The following MEGF10 variants were observed in gnomAD, a reference collection of about 807,000 sequenced individuals.
MEGF10 encodes multiple epidermal growth factor-like domains protein 10.
Under a neutral mutation model 147.5 loss-of-function variants are expected in MEGF10, and 86 were observed. That is an observed-to-expected ratio of 0.58 (90% confidence interval 0.49 to 0.70). The LOEUF is 0.70. Among genes scored for constraint, MEGF10 ranks in the 30% least tolerant of loss-of-function variants. MEGF10 has a pLI of 0.00. For missense variants in MEGF10, 1,329 were observed against 1,487.3 expected (o/e 0.89, Z 1.75); for synonymous variants, 478 against 525.5 (o/e 0.91, Z 1.24).
intron 1 of MEGF10, among the ~76,000 whole-genome samples, chr5:127,319,537 T>C (rs993983330): frequency 1.3e-5 from 2 of 152,198 alleles, no homozygotes; most frequent in Non-Finnish European, 2.9e-5. Flanking sequence ...GAAGGCATCA[T>C]TGCACTGAGG....
the MEGF10 span, among the ~76,000 whole-genome samples, chr5:127,284,878 A>G: frequency 6.6e-6 from 1 of 152,296 alleles, no homozygotes; most frequent in African/African-American, 2.4e-5. Context: ...ATAAGAAGCC[A>G]ATCTTGTTTG....
At chr5:127,454,457 C>G in intron 22 of MEGF10, 109 bp from the exon 23 acceptor site, 1 of 870,366 alleles carries the variant, frequency 1.1e-6, no homozygotes, top group African/African-American at 1.7e-5. Flanking sequence ...GAGCAGCAGC[C>G]TGGTTGTTTG....
At chr5:127,301,055 C>T (rs759882100) in intron 1 of MEGF10, among the ~76,000 whole-genome samples, 2 of 152,196 alleles carry the variant, frequency 1.3e-5, no homozygotes, top group Non-Finnish European at 2.9e-5. Flanking sequence ...TGACATCTCT[C>T]TTATGGTCTA....
intron 1 of MEGF10, among the ~76,000 whole-genome samples, chr5:127,319,440 C>T (rs944762823): frequency 1.2e-4 from 18 of 152,130 alleles, no homozygotes; most frequent in Non-Finnish European, 2.4e-4. Context: ...ACATAGTGGA[C>T]TCGTCTCTAT....
chr5:127,441,179 T>C (rs1043687663), intron 18 of MEGF10, among the ~76,000 whole-genome samples: 13 of 152,216 alleles, frequency 8.5e-5, no homozygotes, highest in African/African-American at 2.9e-4. Context: ...CTCAGAGCCT[T>C]AAAAGATCCA....
At chr5:127,279,821 A>C in the MEGF10 span, among the ~76,000 whole-genome samples, 1 of 152,228 alleles carries the variant, frequency 6.6e-6, no homozygotes, top group Admixed American at 6.5e-5. Context: ...GGGGTAATGC[A>C]TGCACAATAC....
chr5:127,231,857 T>C, the MEGF10 span, among the ~76,000 whole-genome samples: 2 of 152,122 alleles, frequency 1.3e-5, no homozygotes, highest in African/African-American at 4.8e-5. Context: ...ATGGAGAATG[T>C]GGAAGAAGAG....
chr5:127,320,081 G>T (rs550960407), intron 1 of MEGF10, among the ~76,000 whole-genome samples: 4 of 152,296 alleles, frequency 2.6e-5, no homozygotes, highest in South Asian at 4.1e-4. Context: ...CATTCTGGAG[G>T]TTTATAAGAA....
intron 21 of MEGF10, 93 bp from the exon 22 acceptor site, chr5:127,449,006 A>G (rs1766053397): frequency 2.6e-6 from 4 of 1,527,720 alleles, no homozygotes; most frequent in Non-Finnish European, 3.6e-6. Flanking sequence ...CTGGTCCTCA[A>G]TATGTGCCCT....
At chr5:127,265,537 C>T in the MEGF10 span, among the ~76,000 whole-genome samples, 2 of 152,148 alleles carry the variant, frequency 1.3e-5, no homozygotes, top group African/African-American at 4.8e-5. Context: ...GTCCCACCAA[C>T]AGTGTAAAAG....
chr5:127,404,350 A>ATG lies in MEGF10; in HGVS notation c.917+1669_917+1670insGT, dbSNP rs1349374034. Among the ~76,000 whole-genome samples the ATG allele has an allele frequency of 4.7e-4, 71 of 151,976 alleles. No homozygotes were observed. In the South Asian group the frequency reaches 0.015, roughly 32 times the overall value. The stretch of plus-strand genomic sequence containing the variant: ...CTATAGAATTGTTTGAGCTCCTTAT[A>ATG]TATGCTGGTCATTAGGTTGGTGCAA... On this transcript the variant is annotated intron_variant, in intron 8 of 24. Coordinates refer to ENST00000503335, the MANE Select transcript of MEGF10 (RefSeq NM_001256545.2).
intron 4 of MEGF10, among the ~76,000 whole-genome samples, chr5:127,347,219 G>A (rs1260934529): frequency 1.3e-5 from 2 of 151,974 alleles, no homozygotes; most frequent in Non-Finnish European, 2.9e-5. Flanking sequence ...ATATGTGTGT[G>A]TGTACATATA....
the MEGF10 span, among the ~76,000 whole-genome samples, chr5:127,235,509 C>T: frequency 1.3e-5 from 2 of 152,342 alleles, no homozygotes; most frequent in South Asian, 4.1e-4. Context: ...TTGTTTTTAG[C>T]TATTTGTTGC....
At chr5:127,369,757 A>T (rs1762785055) in intron 4 of MEGF10, among the ~76,000 whole-genome samples, 153 bp from the exon 5 acceptor site, 1 of 152,202 alleles carries the variant, frequency 6.6e-6, no homozygotes, top group Admixed American at 6.5e-5. Context: ...CCTACAGCAG[A>T]CTGTAAGAGG....
the MEGF10 span, among the ~76,000 whole-genome samples, chr5:127,254,477 A>G: frequency 6.6e-6 from 1 of 152,290 alleles, no homozygotes; most frequent in East Asian, 1.9e-4. Flanking sequence ...TAAAAGAGAT[A>G]AAGCTTTTCC....
chr5:127,307,626 G>A (rs1760073738), intron 1 of MEGF10, among the ~76,000 whole-genome samples: 1 of 152,100 alleles, frequency 6.6e-6, no homozygotes. Context: ...TACAACTTTA[G>A]CATAGTCTCA....
chr5:127,372,744 T>C (rs1561601774), intron 5 of MEGF10, among the ~76,000 whole-genome samples: 1 of 152,216 alleles, frequency 6.6e-6, no homozygotes, highest in Admixed American at 6.5e-5. Context: ...AATACCAGAA[T>C]TGAAGTGCTC....
Position 127,460,337 on chromosome 5 carries a change from G to T in MEGF10, c.*3019G>T, listed in dbSNP as rs1054408692. The T allele has an allele frequency of 6.6e-6, 1 of 152,008 alleles. No individual in the cohort carries two copies. Among genetic ancestry groups the T allele is most frequent in the Admixed American group, 6.6e-5 (1 of 15,266 alleles). 9.4% of individuals were successfully genotyped at this position (152,008 alleles called of 1,614,324 possible). On this transcript the variant is annotated 3_prime_UTR_variant, in exon 25 of 25. Coordinates refer to ENST00000503335, the MANE Select transcript of MEGF10 (RefSeq NM_001256545.2). ...GTTATTTGAGGTTAATTATATGATA[G>T]TGAGGAACATTTTACAATTATTTAC...
intron 5 of MEGF10, among the ~76,000 whole-genome samples, chr5:127,392,298 T>C (rs1227251411): frequency 2.0e-5 from 3 of 152,194 alleles, no homozygotes; most frequent in Non-Finnish European, 4.4e-5. Flanking sequence ...GGCTGTTGCA[T>C]GTATCATTCC....
Sources: allele counts gnomAD v4.1 joint callset (sites outside exome capture counted in the v4.1 genomes callset), GRCh38; gene constraint gnomAD v4.1.1; transcripts MANE v1.5; gene names NCBI Gene and HGNC (gene_info 2026-07-23, HGNC 2026-07-21).